GSAP: variants seen among roughly 807,000 people sequenced by gnomAD.
The protein encoded by GSAP is gamma-secretase activating protein.
GSAP carries 118 observed loss-of-function variants against 131.7 expected under a neutral mutation model. The ratio of observed to expected loss-of-function variants is 0.90; its 90% CI spans 0.77 to 1.04. The LOEUF (loss-of-function observed/expected upper bound fraction) is 1.04, where lower values mean the gene tolerates loss of function less well. Ranked by LOEUF, GSAP falls within the 50% of genes least tolerant of loss-of-function variation. GSAP has a pLI of 0.00. For missense variants in GSAP, 1,019 were observed against 1,013.2 expected, an observed-to-expected ratio of 1.01 and a Z score of -0.08; for synonymous variants, 381 against 363.4, an observed-to-expected ratio of 1.05 and a Z score of -0.55.
rs868710813 is a variant in GSAP, at chr7:77,403,221, G to A, written c.243+1338C>T. Among the ~76,000 whole-genome samples the A allele has an allele frequency of 3.9e-5, 6 of 152,258 alleles. 1 individual carries two copies. The Middle Eastern group carries it at 0.014, about 345-fold the overall frequency. On this transcript the variant is annotated intron_variant, in intron 3 of 30. Coordinates refer to ENST00000257626, the MANE Select transcript of GSAP (RefSeq NM_017439.4). ...CTTGAGATTTTATTCTCTTTCCCTA[G>A]ACTGTGTATTGTGAGTTTATGTTGA...
At chr7:77,411,172 T>C (rs1427764126) in intron 1 of GSAP, among the ~76,000 whole-genome samples, 3 of 143,986 alleles carry the variant, frequency 2.1e-5, no homozygotes, top group Non-Finnish European at 4.5e-5. Flanking sequence ...AATCTAGGAA[T>C]ACATAGGAGG....
At chr7:77,396,831 C>A in intron 5 of GSAP, 151 bp downstream of exon 5, 3 of 466,124 alleles carry the variant, frequency 6.4e-6, no homozygotes, top group South Asian at 4.5e-5. Flanking sequence ...TTTTTTAAGT[C>A]TTTTTCATGC....
intron 3 of GSAP, among the ~76,000 whole-genome samples, chr7:77,403,338 G>A (rs1186971172): frequency 2.0e-5 from 3 of 152,178 alleles, no homozygotes; most frequent in South Asian, 2.1e-4. Flanking sequence ...GAATAAAGGT[G>A]AAAGGGGTGG....
intron 26 of GSAP, among the ~76,000 whole-genome samples, chr7:77,317,660 G>A (rs914180094): frequency 6.6e-6 from 1 of 152,172 alleles, no homozygotes; most frequent in Non-Finnish European, 1.5e-5. Flanking sequence ...TGTGAGTTGG[G>A]TAGAAAGTGG....
At chr7:77,397,841 C>T (rs1800677974) in intron 3 of GSAP, among the ~76,000 whole-genome samples, 1 of 152,062 alleles carries the variant, frequency 6.6e-6, no homozygotes, top group African/African-American at 2.4e-5. Flanking sequence ...GCACTTAGTG[C>T]AATAAGCACT....
At chr7:77,346,747 T>C (rs1406038401) in intron 19 of GSAP, among the ~76,000 whole-genome samples, 1 of 151,930 alleles carries the variant, frequency 6.6e-6, no homozygotes, top group Non-Finnish European at 1.5e-5. Context: ...ATACTTATTG[T>C]GGTGTTTTGT....
chr7:77,368,250 C>T (rs541821520), intron 12 of GSAP, among the ~76,000 whole-genome samples: 1 of 152,254 alleles, frequency 6.6e-6, no homozygotes, highest in African/African-American at 2.4e-5. Flanking sequence ...GGATTAGTCC[C>T]AATGTGAACA....
chr7:77,384,351 G>A (rs762133656), intron 6 of GSAP, among the ~76,000 whole-genome samples: 2 of 152,262 alleles, frequency 1.3e-5, no homozygotes, highest in Admixed American at 6.5e-5. Context: ...TAAAAGTCCC[G>A]TTCAGGTAGG....
At chr7:77,350,995 G>T in intron 18 of GSAP, 1 of 388,560 alleles carries the variant, frequency 2.6e-6, no homozygotes, top group Non-Finnish European at 3.5e-6. Context: ...AAGTAGATAA[G>T]TATATAAGAA....
At chr7:77,345,990 A>C (rs1488770373) in intron 19 of GSAP, among the ~76,000 whole-genome samples, 1 of 152,172 alleles carries the variant, frequency 6.6e-6, no homozygotes, top group Non-Finnish European at 1.5e-5. Context: ...AGGGGAATAG[A>C]TCAAAAGAAA....
chr7:77,330,089 G>T, intron 20 of GSAP, 150 bp downstream of exon 20: 3 of 898,114 alleles, frequency 3.3e-6, no homozygotes, highest in Non-Finnish European at 4.8e-6. Flanking sequence ...AAGCATCTCT[G>T]CCCATTGAGA....
chr7:77,390,839 C>G (rs1004565039), intron 5 of GSAP, among the ~76,000 whole-genome samples: 3 of 150,188 alleles, frequency 2.0e-5, no homozygotes, highest in African/African-American at 7.3e-5. Flanking sequence ...GTCCCAGCTA[C>G]CCGGGAGGCT....
chr7:77,352,945 G>GTA lies in GSAP; in HGVS notation c.1488_1489dup (p.Thr497IlefsTer7), dbSNP rs1793103225. 5 of 1,550,624 alleles carry GTA rather than the reference G, an allele frequency of 3.2e-6. No homozygotes were observed. Among genetic ancestry groups the GTA allele is most frequent in the Non-Finnish European group, 4.5e-6 (5 of 1,122,238 alleles). On this transcript the variant is annotated frameshift_variant and splice_region_variant, in exon 18 of 31. Transcript: ENST00000257626. LOFTEE classifies it high-confidence loss of function. ...ACAGCATACACAGTGTTAACTTACT[G>GTA]TATTCCAAGTGAGCACTGAGGAATG...
At chr7:77,387,643 T>C (rs1379806387) in intron 5 of GSAP, among the ~76,000 whole-genome samples, 195 bp from the exon 6 acceptor site, 4 of 152,264 alleles carry the variant, frequency 2.6e-5, no homozygotes, top group East Asian at 1.9e-4. Context: ...CTCTCTAGGA[T>C]GTGTAGCGGC....
intron 19 of GSAP, among the ~76,000 whole-genome samples, chr7:77,334,948 T>C (rs930540995): frequency 6.6e-6 from 1 of 151,914 alleles, no homozygotes; most frequent in Non-Finnish European, 1.5e-5. Flanking sequence ...CCGGGTGTGG[T>C]GGCGGGCGCC....
At chr7:77,312,541 T>C (rs766821256) in intron 28 of GSAP, among the ~76,000 whole-genome samples, 8 of 152,268 alleles carry the variant, frequency 5.3e-5, no homozygotes, top group Non-Finnish European at 8.8e-5. Context: ...CGCATGTTTA[T>C]ATCAACTTCT....
intron 1 of GSAP, among the ~76,000 whole-genome samples, chr7:77,409,538 G>A (rs1310604868): frequency 2.0e-5 from 3 of 152,130 alleles, no homozygotes; most frequent in African/African-American, 7.2e-5. Context: ...AGCTTACAAT[G>A]AGAAAATGGG....
chr7:77,365,827 GAACT>G (rs1292063329), intron 12 of GSAP, among the ~76,000 whole-genome samples: 1 of 149,618 alleles, frequency 6.7e-6, no homozygotes, highest in African/African-American at 2.5e-5. Flanking sequence ...CACAATGGTA[GAACT>G]AACTTACACT....
intron 26 of GSAP, chr7:77,314,750 T>G (rs1794788792): frequency 3.2e-6 from 1 of 317,248 alleles, no homozygotes; most frequent in South Asian, 4.2e-5. Context: ...AGCAAGGGCC[T>G]GCTCAATGGT....
Sources: gnomAD v4.1 joint callset for allele counts (sites outside exome capture counted in the v4.1 genomes callset) on GRCh38, gnomAD v4.1.1 for gene constraint, MANE v1.5 for transcripts, NCBI Gene and HGNC (gene_info 2026-07-23, HGNC 2026-07-21) for gene names.